Variants in TAFA2 observed in about 807,000 individuals in gnomAD.
TAFA2 encodes TAFA chemokine like family member 2.
A neutral mutation model predicts 18.8 loss-of-function variants in TAFA2; 7 were observed. The observed-to-expected ratio is 0.37, with a 90% CI of 0.21 to 0.70. TAFA2 has a LOEUF of 0.70. TAFA2 is among the 30% of genes least tolerant of loss of function. The pLI is 0.53. For synonymous variants in TAFA2, 60 were observed against 54.2 expected, an observed-to-expected ratio of 1.11 and a Z score of -0.47; for missense variants, 122 against 158.1, an observed-to-expected ratio of 0.77 and a Z score of 1.23.
intron 1 of TAFA2, among the ~76,000 whole-genome samples, chr12:61,933,143 CTT>C (rs1253971174): frequency 6.6e-6 from 1 of 152,082 alleles, no homozygotes; most frequent in African/African-American, 2.4e-5. Context: ...AGGAAGGAAA[CTT>C]TGTATGAAAA....
rs183588992 is a variant in TAFA2 at position 62,162,450 on chromosome 12, A to G, written c.-2+28809T>C. On this transcript the variant is annotated intron_variant, in intron 1 of 4. Transcript: ENST00000416284. ...TAGTGGGGTTTACCTGCTTAGCTAT[A>G]TAAGACTGAGATTTCCTGTCTTTGC... 2.2e-3 allele frequency among the ~76,000 whole-genome samples: 339 copies of G among 152,328 alleles called. 1 individual carries two copies. The highest frequency in any genetic ancestry group is 7.3e-3 in the African/African-American group (305 of 41,588).
chr12:61,924,143 G>C (rs1018573903), intron 1 of TAFA2, among the ~76,000 whole-genome samples: 2 of 152,020 alleles, frequency 1.3e-5, no homozygotes, highest in Non-Finnish European at 2.9e-5. Flanking sequence ...AGGGAGAAAG[G>C]AACCAAGTTG....
At chr12:62,220,951 A>G (rs544849883) in intron 1 of TAFA2, among the ~76,000 whole-genome samples, 12 of 152,062 alleles carry the variant, frequency 7.9e-5, no homozygotes, top group Non-Finnish European at 1.6e-4. Flanking sequence ...ACTAAAAAAT[A>G]GAAAAATTAG....
At chr12:62,117,830 A>C (rs1870026075) in intron 1 of TAFA2, among the ~76,000 whole-genome samples, 1 of 152,118 alleles carries the variant, frequency 6.6e-6, no homozygotes, top group African/African-American at 2.4e-5. Context: ...ATATAGCTAA[A>C]AACTGAATTT....
At chr12:61,933,521 G>A (rs1032472208) in intron 1 of TAFA2, among the ~76,000 whole-genome samples, 4 of 152,046 alleles carry the variant, frequency 2.6e-5, no homozygotes, top group African/African-American at 9.7e-5. Flanking sequence ...AAACCAGCCT[G>A]GGCAATTATA....
At chr12:61,762,960 C>A (rs563458341) in intron 2 of TAFA2, among the ~76,000 whole-genome samples, 118 of 151,994 alleles carry the variant, frequency 7.8e-4, no homozygotes, top group African/African-American at 9.4e-4. Context: ...GAAATGCGAG[C>A]TAGTTAGTGG....
At chr12:61,855,616 T>C (rs908429968) in intron 2 of TAFA2, among the ~76,000 whole-genome samples, 1 of 152,176 alleles carries the variant, frequency 6.6e-6, no homozygotes, top group African/African-American at 2.4e-5. Context: ...TTCTGTATTA[T>C]GACTATAGGC....
At chr12:62,247,477 A>G (rs2062892169) in intron 1 of TAFA2, among the ~76,000 whole-genome samples, 1 of 152,170 alleles carries the variant, frequency 6.6e-6, no homozygotes, top group African/African-American at 2.4e-5. Context: ...TCTTGTAGAC[A>G]AGCTCCTCGA....
intron 1 of TAFA2, among the ~76,000 whole-genome samples, chr12:62,101,157 C>T (rs1160362339): frequency 6.6e-6 from 1 of 152,036 alleles, no homozygotes; most frequent in Admixed American, 6.6e-5. Flanking sequence ...CAGAAGAGTC[C>T]TGATGATCCT....
intron 1 of TAFA2, among the ~76,000 whole-genome samples, chr12:62,072,323 G>T (rs1355209520): frequency 1.3e-5 from 2 of 152,024 alleles, no homozygotes; most frequent in Admixed American, 6.6e-5. Flanking sequence ...AAAAAAATTA[G>T]CCGGGCATGG....
chr12:61,991,704 G>T (rs1186675059), intron 1 of TAFA2, among the ~76,000 whole-genome samples: 1 of 152,042 alleles, frequency 6.6e-6, no homozygotes, highest in Non-Finnish European at 1.5e-5. Flanking sequence ...CTCCTTAAAA[G>T]ATTTTTCTGT....
intron 1 of TAFA2, among the ~76,000 whole-genome samples, chr12:62,130,245 T>G (rs985758281): frequency 2.0e-5 from 3 of 151,974 alleles, no homozygotes; most frequent in Non-Finnish European, 4.4e-5. Context: ...TTTCCTTTAC[T>G]CTCCGTAAAC....
intron 1 of TAFA2, among the ~76,000 whole-genome samples, chr12:62,221,894 C>T (rs1204927068): frequency 1.3e-5 from 2 of 151,906 alleles, no homozygotes; most frequent in African/African-American, 4.8e-5. Context: ...TAAGAGAAAG[C>T]TTAAAGAGGG....
At chr12:62,148,921 G>C (rs1159144766) in intron 1 of TAFA2, among the ~76,000 whole-genome samples, 4 of 152,076 alleles carry the variant, frequency 2.6e-5, no homozygotes, top group African/African-American at 9.7e-5. Flanking sequence ...ATGGATTTTT[G>C]AGACATTCCA....
intron 2 of TAFA2, among the ~76,000 whole-genome samples, chr12:61,839,890 T>A (rs1444822351): frequency 6.6e-6 from 1 of 151,858 alleles, no homozygotes; most frequent in African/African-American, 2.4e-5. Flanking sequence ...AAATAAGGCA[T>A]AAGAGAAGGA....
intron 2 of TAFA2, among the ~76,000 whole-genome samples, chr12:61,803,404 G>A (rs1305058285): frequency 1.3e-5 from 2 of 151,696 alleles, no homozygotes; most frequent in Non-Finnish European, 3.0e-5. Context: ...TTTCATTTAG[G>A]GTAGATAGAT....
intron 1 of TAFA2, among the ~76,000 whole-genome samples, chr12:61,875,407 A>T (rs1188717708): frequency 6.6e-6 from 1 of 152,032 alleles, no homozygotes; most frequent in Non-Finnish European, 1.5e-5. Flanking sequence ...CCAGGGTCCA[A>T]ATCTGTTTTT....
At chr12:61,875,204 T>C (rs1292762545) in intron 1 of TAFA2, among the ~76,000 whole-genome samples, 5 of 152,110 alleles carry the variant, frequency 3.3e-5, no homozygotes, top group African/African-American at 1.2e-4. Flanking sequence ...TCACGTGCCC[T>C]GTTGAGGCAT....
rs563891531 is a variant in TAFA2 at position 61,748,556 on chromosome 12, C to A, written c.384+5066G>T. Among the ~76,000 whole-genome samples the A allele has an allele frequency of 2.6e-5, 4 of 152,218 alleles. No homozygotes were observed. In the South Asian group the frequency reaches 8.3e-4, roughly 32 times the overall value. On this transcript the variant is annotated intron_variant, in intron 4 of 4. Transcript: ENST00000416284. Reference sequence around the variant, plus strand: ...ACTTTTTTCCTCTTGCTGTGTACATCATTTCCCATGGGTCTGAATTAGCAC... The same window carrying A: ...ACTTTTTTCCTCTTGCTGTGTACATAATTTCCCATGGGTCTGAATTAGCAC...
Sources: gnomAD v4.1 joint callset for allele counts (sites outside exome capture counted in the v4.1 genomes callset) on GRCh38, gnomAD v4.1.1 for gene constraint, MANE v1.5 for transcripts, NCBI Gene and HGNC (gene_info 2026-07-23, HGNC 2026-07-21) for gene names.